THEMIS: variants seen among roughly 807,000 people sequenced by gnomAD.
THEMIS encodes protein THEMIS.
Under a neutral mutation model 52.6 loss-of-function variants are expected in THEMIS, and 37 were observed. The observed-to-expected ratio is 0.70, with a 90% CI of 0.54 to 0.93. The LOEUF (loss-of-function observed/expected upper bound fraction) is 0.93. THEMIS is among the 40% of genes least tolerant of loss of function. The pLI is 0.00. For synonymous variants in THEMIS, 292 were observed against 272.7 expected (o/e 1.07, Z -0.70); for missense variants, 808 against 763.1 (o/e 1.06, Z -0.69).
upstream of THEMIS, among the ~76,000 whole-genome samples, chr6:127,904,839 A>C (rs1338807979): frequency 6.6e-6 from 1 of 152,034 alleles, no homozygotes; most frequent in African/African-American, 2.4e-5. Flanking sequence ...AAATACAGTA[A>C]CTGAAATTAA....
At chr6:127,917,835 G>A (rs889339934) in intron 1 of THEMIS, among the ~76,000 whole-genome samples, 12 of 152,186 alleles carry the variant, frequency 7.9e-5, no homozygotes, top group Non-Finnish European at 1.5e-4. Context: ...TCCTGCTTCC[G>A]AGGAAGCTGT....
chr6:127,911,600 C>A (rs375313614), intron 1 of THEMIS, among the ~76,000 whole-genome samples: 8 of 151,314 alleles, frequency 5.3e-5, no homozygotes, highest in African/African-American at 2.0e-4. Context: ...AGAATGTAAA[C>A]GTAAGTTCAT....
At chr6:127,809,130 T>A (rs534869106) in intron 4 of THEMIS, among the ~76,000 whole-genome samples, 1 of 152,336 alleles carries the variant, frequency 6.6e-6, no homozygotes, top group African/African-American at 2.4e-5. Context: ...GCTAAATGAG[T>A]TTGAATATTT....
upstream of THEMIS, among the ~76,000 whole-genome samples, chr6:127,902,872 T>C (rs1781179710): frequency 6.6e-6 from 1 of 152,058 alleles, no homozygotes; most frequent in South Asian, 2.1e-4. Flanking sequence ...CACAATACAT[T>C]TCATTTGATA....
At chr6:127,759,929 A>C (rs190491438) in intron 4 of THEMIS, among the ~76,000 whole-genome samples, 29 of 143,582 alleles carry the variant, frequency 2.0e-4, no homozygotes, top group African/African-American at 7.5e-4. Context: ...TCTTGTTCAT[A>C]GGGTAACCAA....
chr6:127,760,012 A>C (rs1203847738), intron 4 of THEMIS, among the ~76,000 whole-genome samples: 1 of 151,880 alleles, frequency 6.6e-6, no homozygotes, highest in East Asian at 1.9e-4. Flanking sequence ...TACAGTGTCA[A>C]GTCTTATGTC....
Position 127,883,034 on chromosome 6 carries a change from T to C in THEMIS, c.91+17808A>G, listed in dbSNP as rs1393269142. Among the ~76,000 whole-genome samples the C allele has an allele frequency of 3.3e-5, 5 of 152,076 alleles. No individual in the cohort carries two copies. The South Asian group carries it at 8.3e-4, about 25-fold the overall frequency. On this transcript the variant is annotated intron_variant, in intron 1 of 5. Transcript: ENST00000368248. The stretch of plus-strand genomic sequence containing the variant: ...CATACTTATTCAATCAGTTGTAGAG[T>C]TAATTTTTCAATGTCATATTTATCA...
At chr6:127,774,291 C>T (rs747382958) in intron 4 of THEMIS, among the ~76,000 whole-genome samples, 5 of 152,204 alleles carry the variant, frequency 3.3e-5, no homozygotes, top group African/African-American at 7.2e-5. Context: ...CTGCAAGCTC[C>T]GCCTCCCGGG....
At chr6:127,876,828 T>G (rs1431093100) in intron 1 of THEMIS, among the ~76,000 whole-genome samples, 1 of 152,174 alleles carries the variant, frequency 6.6e-6, no homozygotes, top group Non-Finnish European at 1.5e-5. Context: ...AAATAAATTT[T>G]TAAGATTATT....
intron 1 of THEMIS, among the ~76,000 whole-genome samples, chr6:127,879,996 T>C (rs764138996): frequency 1.2e-4 from 19 of 152,142 alleles, no homozygotes; most frequent in Non-Finnish European, 2.2e-4. Flanking sequence ...AGCCATGCCG[T>C]TTTCCTCCAT....
At chr6:127,717,458 T>C (rs1379759687) in intron 5 of THEMIS, among the ~76,000 whole-genome samples, 3 of 151,844 alleles carry the variant, frequency 2.0e-5, no homozygotes, top group Non-Finnish European at 4.4e-5. Context: ...GTTCTTAAAA[T>C]AAGGCATGGG....
chr6:127,714,228 T>C (rs543571430), intron 5 of THEMIS, among the ~76,000 whole-genome samples: 1 of 152,020 alleles, frequency 6.6e-6, no homozygotes, highest in South Asian at 2.1e-4. Context: ...ACCTGAATCA[T>C]ACTTTTTCAC....
At chr6:127,853,291 C>T (rs1390841640) in intron 2 of THEMIS, among the ~76,000 whole-genome samples, 1 of 151,552 alleles carries the variant, frequency 6.6e-6, no homozygotes, top group African/African-American at 2.4e-5. Context: ...AATTAGAGTA[C>T]TTAAGAGAGG....
intron 5 of THEMIS, among the ~76,000 whole-genome samples, chr6:127,712,054 CTTGCCA>C (rs1774001203): frequency 6.6e-6 from 1 of 151,922 alleles, no homozygotes; most frequent in Admixed American, 6.6e-5. Context: ...AGAAATATCA[CTTGCCA>C]TTGCCATCTC....
intron 5 of THEMIS, among the ~76,000 whole-genome samples, chr6:127,718,791 A>T (rs949106026): frequency 1.3e-5 from 2 of 151,912 alleles, no homozygotes; most frequent in African/African-American, 4.8e-5. Flanking sequence ...AGTCAATGAA[A>T]AGGTAATAAG....
chr6:127,751,096 T>C (rs1775627582), intron 4 of THEMIS, among the ~76,000 whole-genome samples: 1 of 151,756 alleles, frequency 6.6e-6, no homozygotes, highest in Admixed American at 6.6e-5. Context: ...GGTACACGAA[T>C]AACTTTTAAC....
chr6:127,808,809 A>G (rs992616602), intron 4 of THEMIS, among the ~76,000 whole-genome samples: 9 of 152,154 alleles, frequency 5.9e-5, no homozygotes, highest in African/African-American at 2.2e-4. Context: ...ACAGTTGCCA[A>G]TCTTACCTTG....
intron 4 of THEMIS, among the ~76,000 whole-genome samples, chr6:127,801,620 G>A (rs1562266153): frequency 6.6e-6 from 1 of 152,224 alleles, no homozygotes; most frequent in African/African-American, 2.4e-5. Context: ...ATCCCCAGTA[G>A]TGACAACATC....
At chr6:127,858,360 G>T (rs780653584) in intron 1 of THEMIS, among the ~76,000 whole-genome samples, 1 of 151,838 alleles carries the variant, frequency 6.6e-6, no homozygotes, top group Non-Finnish European at 1.5e-5. Context: ...TTAATATTTC[G>T]TGACTTCCAA....
Sources: allele counts gnomAD v4.1 joint callset (sites outside exome capture counted in the v4.1 genomes callset), GRCh38; gene constraint gnomAD v4.1.1; transcripts MANE v1.5; gene names NCBI Gene and HGNC (gene_info 2026-07-23, HGNC 2026-07-21).